Variants in EPM2A observed in about 807,000 individuals in gnomAD.
EPM2A encodes laforin.
EPM2A carries 21 observed loss-of-function variants against 26.5 expected under a neutral mutation model. That is an observed-to-expected ratio of 0.79 (90% CI 0.56 to 1.14). The LOEUF (loss-of-function observed/expected upper bound fraction) is 1.14, where lower values mean the gene tolerates loss of function less well. EPM2A is among the 50% of genes most tolerant of loss of function. The pLI is 0.00. For missense variants in EPM2A, 458 were observed against 440.8 expected (o/e 1.04, Z -0.35); for synonymous variants, 217 against 177.6 (o/e 1.22, Z -1.76).
chr6:145,403,130 C>T (rs1256328832), intron 4 of EPM2A, among the ~76,000 whole-genome samples: 4 of 151,946 alleles, frequency 2.6e-5, no homozygotes, highest in African/African-American at 4.8e-5. Flanking sequence ...TATATATTCA[C>T]GGGGTACAGG....
intron 2 of EPM2A, 107 bp downstream of exon 2, chr6:145,686,015 C>T (rs1446078712): frequency 2.1e-6 from 2 of 972,522 alleles, no homozygotes; most frequent in African/African-American, 1.6e-5. Context: ...GGCCTATAGA[C>T]CCCTCCCAAG....
At chr6:145,474,219 T>A (rs1206344314) in intron 4 of EPM2A, among the ~76,000 whole-genome samples, 1 of 152,122 alleles carries the variant, frequency 6.6e-6, no homozygotes, top group Admixed American at 6.6e-5. Flanking sequence ...CCCAGCACTT[T>A]GGGAAGCCAA....
intron 2 of EPM2A, among the ~76,000 whole-genome samples, chr6:145,664,927 G>A (rs1455629674): frequency 2.1e-5 from 3 of 145,422 alleles, no homozygotes; most frequent in East Asian, 2.1e-4. Flanking sequence ...GGTACATAAC[G>A]AAATGAAGGC....
intron 2 of EPM2A, among the ~76,000 whole-genome samples, chr6:145,644,136 AGC>A (rs1304631189): frequency 6.6e-6 from 1 of 152,230 alleles, no homozygotes; most frequent in Non-Finnish European, 1.5e-5. Flanking sequence ...CATAATGTTC[AGC>A]TATACTGGGA....
At chr6:145,440,076 T>C (rs974998529) in intron 4 of EPM2A, among the ~76,000 whole-genome samples, 4 of 152,368 alleles carry the variant, frequency 2.6e-5, no homozygotes, top group East Asian at 1.9e-4. Context: ...TAGGGAGTTA[T>C]ATTAGCCCGT....
intron 2 of EPM2A, among the ~76,000 whole-genome samples, chr6:145,599,663 T>A (rs1220685124): frequency 1.3e-5 from 2 of 152,002 alleles, no homozygotes; most frequent in African/African-American, 4.8e-5. Context: ...TATATGAACA[T>A]CCTTAGTTAT....
chr6:145,647,665 AAGGAAGGAAGGC>A (rs1223616703), intron 2 of EPM2A, among the ~76,000 whole-genome samples: 2 of 152,060 alleles, frequency 1.3e-5, no homozygotes, highest in East Asian at 1.9e-4. Flanking sequence ...AGCAAATACA[AAGGAAGGAAGGC>A]AGGAAGGAAG....
At chr6:145,706,017 G>T (rs1782205663) in intron 1 of EPM2A, 1 of 447,716 alleles carries the variant, frequency 2.2e-6, no homozygotes, top group South Asian at 1.6e-5. Flanking sequence ...TGCATAGAAG[G>T]CTGGAAGACT....
chr6:145,616,918 G>A (rs1439321889), intron 2 of EPM2A, among the ~76,000 whole-genome samples: 15 of 152,230 alleles, frequency 9.9e-5, no homozygotes, highest in Admixed American at 9.8e-4. Context: ...ATAGGTGGAA[G>A]GAACTTGCCT....
At chr6:145,419,265 C>T (rs1025026257) in intron 4 of EPM2A, among the ~76,000 whole-genome samples, 3 of 146,712 alleles carry the variant, frequency 2.0e-5, no homozygotes, top group Admixed American at 1.4e-4. Context: ...CTAACAGAAG[C>T]GTGTTATAGC....
At chr6:145,596,535 T>C (rs1781345114) in intron 2 of EPM2A, among the ~76,000 whole-genome samples, 1 of 152,206 alleles carries the variant, frequency 6.6e-6, no homozygotes, top group Non-Finnish European at 1.5e-5. Context: ...AACTCTGTAC[T>C]CTTGAGTATA....
intron 2 of EPM2A, among the ~76,000 whole-genome samples, chr6:145,512,899 A>G (rs1780075667): frequency 6.6e-6 from 1 of 152,006 alleles, no homozygotes; most frequent in South Asian, 2.1e-4. Context: ...ATCTCTCACC[A>G]TATACAAAAA....
chr6:145,536,533 G>C (rs1002576558), intron 2 of EPM2A, among the ~76,000 whole-genome samples: 1 of 151,818 alleles, frequency 6.6e-6, no homozygotes, highest in South Asian at 2.1e-4. Context: ...TTGACCTCAA[G>C]TGATCCACCC....
At chr6:145,672,326 A>C (rs1779704962) in intron 2 of EPM2A, among the ~76,000 whole-genome samples, 1 of 152,188 alleles carries the variant, frequency 6.6e-6, no homozygotes, top group Admixed American at 6.5e-5. Flanking sequence ...CACGCCCCTA[A>C]GGTCACAGAA....
At chr6:145,435,139 CTTA>C (rs943043747) in intron 4 of EPM2A, among the ~76,000 whole-genome samples, 1 of 152,072 alleles carries the variant, frequency 6.6e-6, no homozygotes, top group Non-Finnish European at 1.5e-5. Flanking sequence ...TTTTTATTTA[CTTA>C]TTCATTTTTT....
At chr6:145,720,112 T>C (rs905864968) in intron 1 of EPM2A, among the ~76,000 whole-genome samples, 13 of 152,274 alleles carry the variant, frequency 8.5e-5, no homozygotes, top group African/African-American at 2.9e-4. Flanking sequence ...TAATAAAACT[T>C]CTTCAACCAC....
intron 2 of EPM2A, among the ~76,000 whole-genome samples, chr6:145,676,527 C>T (rs1350345802): frequency 6.6e-6 from 1 of 151,820 alleles, no homozygotes; most frequent in African/African-American, 2.4e-5. Context: ...TGATAGGCTG[C>T]TAGCAAGACA....
chr6:145,468,889 C>T (rs1476985539), intron 4 of EPM2A, among the ~76,000 whole-genome samples: 1 of 152,064 alleles, frequency 6.6e-6, no homozygotes, highest in Admixed American at 6.6e-5. Context: ...AACTATCCAT[C>T]TGACAAGAGA....
chr6:145,646,191 T>C (rs991734578), intron 2 of EPM2A, among the ~76,000 whole-genome samples: 2 of 152,128 alleles, frequency 1.3e-5, no homozygotes, highest in Admixed American at 1.3e-4. Flanking sequence ...AGTGTTGCTC[T>C]GTCACCCAGG....
Sources: allele counts gnomAD v4.1 joint callset (sites outside exome capture counted in the v4.1 genomes callset), GRCh38; gene constraint gnomAD v4.1.1; transcripts MANE v1.5; gene names NCBI Gene and HGNC (gene_info 2026-07-23, HGNC 2026-07-21).